RBFOX1: variants seen among roughly 807,000 people sequenced by gnomAD.
RBFOX1 encodes the protein RNA binding protein fox-1 homolog 1.
RBFOX1 carries 8 observed loss-of-function variants against 57.7 expected under a neutral mutation model. That is an observed-to-expected ratio of 0.14 (90% CI 0.08 to 0.25). The LOEUF (loss-of-function observed/expected upper bound fraction) is 0.25. RBFOX1 is among the 10% of genes least tolerant of loss of function. RBFOX1 has a pLI of 1.00. For synonymous variants in RBFOX1, 326 were observed against 222.4 expected (o/e 1.47, Z -4.15); for missense variants, 611 against 548.5 (o/e 1.11, Z -1.14).
intron 1 of RBFOX1, among the ~76,000 whole-genome samples, chr16:5,462,368 C>G (rs1461754817): frequency 6.6e-6 from 1 of 151,978 alleles, no homozygotes; most frequent in Non-Finnish European, 1.5e-5. Context: ...CGGGGTTTCA[C>G]CGTGTTGGCC....
chr16:7,131,395 C>A (rs1012986192), intron 4 of RBFOX1, among the ~76,000 whole-genome samples: 5 of 116,068 alleles, frequency 4.3e-5, no homozygotes, highest in Non-Finnish European at 8.4e-5. Context: ...ATAGGTTCTG[C>A]TTAGTCAGTG....
intron 1 of RBFOX1, among the ~76,000 whole-genome samples, chr16:6,033,439 C>T (rs923415240): frequency 6.6e-6 from 1 of 152,184 alleles, no homozygotes; most frequent in Non-Finnish European, 1.5e-5. Context: ...TTTATAGTTT[C>T]TCATGCACCC....
intron 3 of RBFOX1, among the ~76,000 whole-genome samples, chr16:5,775,767 G>C (rs1223819800): frequency 2.6e-5 from 4 of 152,186 alleles, no homozygotes; most frequent in African/African-American, 9.6e-5. Context: ...ACTAACGTAG[G>C]GGTTTTTCAA....
chr16:7,649,786 A>C (rs2064564159), intron 11 of RBFOX1, among the ~76,000 whole-genome samples: 2 of 152,208 alleles, frequency 1.3e-5, no homozygotes. Context: ...CGCAGCTTGC[A>C]TGCACGCACC....
intron 3 of RBFOX1, among the ~76,000 whole-genome samples, chr16:6,821,941 C>G (rs150999071): frequency 8.0e-4 from 122 of 152,278 alleles, no homozygotes; most frequent in African/African-American, 2.7e-3. Context: ...TTTCACAGCT[C>G]TAGTTTCTGA....
intron 2 of RBFOX1, among the ~76,000 whole-genome samples, chr16:6,643,953 C>G (rs2098512682): frequency 6.6e-6 from 1 of 152,008 alleles, no homozygotes; most frequent in African/African-American, 2.4e-5. Flanking sequence ...TGGGGAAACC[C>G]CATCTGTACT....
chr16:7,269,475 A>G (rs1452261351), intron 4 of RBFOX1, among the ~76,000 whole-genome samples: 1 of 152,078 alleles, frequency 6.6e-6, no homozygotes, highest in African/African-American at 2.4e-5. Context: ...AGAGAGAGAG[A>G]GAGGCAGACA....
chr16:7,100,884 A>G (rs970255015), intron 4 of RBFOX1, among the ~76,000 whole-genome samples: 3 of 152,206 alleles, frequency 2.0e-5, no homozygotes, highest in Non-Finnish European at 2.9e-5. Flanking sequence ...GTGAAGTTAA[A>G]CTGCTAAACA....
At chr16:5,789,465 G>A (rs2054616319) in intron 3 of RBFOX1, among the ~76,000 whole-genome samples, 1 of 152,162 alleles carries the variant, frequency 6.6e-6, no homozygotes, top group Admixed American at 6.5e-5. Context: ...GCATGGGCAT[G>A]TATGGGTGTG....
intron 3 of RBFOX1, among the ~76,000 whole-genome samples, chr16:5,775,142 C>A (rs1461076137): frequency 6.6e-6 from 1 of 151,994 alleles, no homozygotes; most frequent in Non-Finnish European, 1.5e-5. Context: ...TAGTCCACAC[C>A]CCCAAATCAG....
intron 14 of RBFOX1, chr16:7,693,179 C>T (rs1401431001): frequency 2.9e-6 from 2 of 683,244 alleles, no homozygotes; most frequent in African/African-American, 1.8e-5. Context: ...CTCTGAGGTA[C>T]ATCAGCACAT....
intron 4 of RBFOX1, among the ~76,000 whole-genome samples, chr16:7,186,803 C>T (rs1043087983): frequency 6.6e-6 from 1 of 150,910 alleles, no homozygotes; most frequent in Non-Finnish European, 1.5e-5. Context: ...ATCAAGTATC[C>T]AGTCTGTATT....
At chr16:5,735,010 C>A (rs374815130) in intron 3 of RBFOX1, among the ~76,000 whole-genome samples, 19 of 152,260 alleles carry the variant, frequency 1.2e-4, no homozygotes, top group South Asian at 4.2e-4. Flanking sequence ...GAAGACAACT[C>A]CAAGGAAGAT....
At chr16:5,582,768 T>A (rs764554067) in intron 2 of RBFOX1, among the ~76,000 whole-genome samples, 2 of 152,086 alleles carry the variant, frequency 1.3e-5, no homozygotes, top group Non-Finnish European at 2.9e-5. Context: ...CTGCCTCGGA[T>A]GACCCTGGGA....
intron 4 of RBFOX1, among the ~76,000 whole-genome samples, chr16:5,943,763 A>T (rs1239741657): frequency 6.6e-6 from 1 of 152,158 alleles, no homozygotes. Context: ...ACAAGGTCCA[A>T]AAGATTACCA....
At chr16:7,320,535 C>T (rs562757965) in intron 4 of RBFOX1, among the ~76,000 whole-genome samples, 1 of 152,174 alleles carries the variant, frequency 6.6e-6, no homozygotes, top group East Asian at 1.9e-4. Flanking sequence ...GCTGTATGCA[C>T]TAATCTTACA....
chr16:7,234,144 A>G (rs1405871884), intron 4 of RBFOX1, among the ~76,000 whole-genome samples: 3 of 152,116 alleles, frequency 2.0e-5, no homozygotes, highest in Non-Finnish European at 4.4e-5. Flanking sequence ...TTGCTGGCAG[A>G]CGCTTTTGTC....
intron 3 of RBFOX1, among the ~76,000 whole-genome samples, chr16:5,785,963 T>G (rs1243107852): frequency 6.6e-6 from 1 of 152,208 alleles, no homozygotes; most frequent in Non-Finnish European, 1.5e-5. Context: ...CCTACCTTCA[T>G]GCTCACCTCC....
intron 3 of RBFOX1, among the ~76,000 whole-genome samples, chr16:5,752,342 C>T (rs577175912): frequency 6.6e-6 from 1 of 152,258 alleles, no homozygotes; most frequent in African/African-American, 2.4e-5. Context: ...AGGCTTCATA[C>T]CTGGGTGATG....
Sources: gnomAD v4.1 joint callset for allele counts (sites outside exome capture counted in the v4.1 genomes callset) on GRCh38, gnomAD v4.1.1 for gene constraint, MANE v1.5 for transcripts, NCBI Gene and HGNC (gene_info 2026-07-23, HGNC 2026-07-21) for gene names.